TMIGD3: variants seen among roughly 807,000 people sequenced by gnomAD.
The protein encoded by TMIGD3 is transmembrane and immunoglobulin domain containing 3, also known as AD026 protein (AD026).
TMIGD3 carries 21 observed loss-of-function variants against 28.1 expected under a neutral mutation model. The ratio of observed to expected loss-of-function variants is 0.75; its 90% CI spans 0.53 to 1.08. The LOEUF (loss-of-function observed/expected upper bound fraction) is 1.08, where lower values mean the gene tolerates loss of function less well. Ranked by LOEUF, TMIGD3 falls within the 50% of genes least tolerant of loss-of-function variation. The pLI, the probability that TMIGD3 is intolerant of heterozygous loss-of-function variation, is 0.00. For missense variants in TMIGD3, 416 were observed against 435.6 expected (o/e 0.96, Z 0.40); for synonymous variants, 151 against 162.1 (o/e 0.93, Z 0.52).
intron 1 of TMIGD3, chr1:111,500,132 C>G (rs372130883): frequency 7.4e-6 from 12 of 1,613,966 alleles, no homozygotes; most frequent in Non-Finnish European, 1.0e-5. Context: ...AGCTGTGGTA[C>G]CTCACCATTA....
chr1:111,555,049 G>A lies in TMIGD3; in HGVS notation c.107+8797C>T, dbSNP rs1434034087. On this transcript the variant is annotated intron_variant, in intron 1 of 5. Transcript: ENST00000369717. Reference sequence around the variant, plus strand: ...GTAAGAGAACTAATTGAAAACAGGAGAAAAGAAAAAGAGGCTATCAAAAAT... The same window carrying A: ...GTAAGAGAACTAATTGAAAACAGGAAAAAAGAAAAAGAGGCTATCAAAAAT... Among the ~76,000 whole-genome samples, 6 of 151,898 alleles carry A rather than the reference G, an allele frequency of 4.0e-5. No homozygotes were observed. The East Asian group carries it at 1.2e-3, about 29-fold the overall frequency.
chr1:111,518,660 C>T (rs1655947333), intron 1 of TMIGD3, among the ~76,000 whole-genome samples: 1 of 152,202 alleles, frequency 6.6e-6, no homozygotes, highest in Admixed American at 6.5e-5. Context: ...CAAGCTTTGC[C>T]TAACACCAAG....
chr1:111,522,796 G>A (rs779501084), intron 1 of TMIGD3, among the ~76,000 whole-genome samples: 6 of 152,110 alleles, frequency 3.9e-5, no homozygotes, highest in Non-Finnish European at 7.4e-5. Flanking sequence ...GATTACAGGC[G>A]TGAGCCACCA....
intron 1 of TMIGD3, among the ~76,000 whole-genome samples, chr1:111,523,921 A>C (rs1195816720): frequency 7.5e-6 from 1 of 133,992 alleles, no homozygotes; most frequent in Admixed American, 7.2e-5. Flanking sequence ...GATTTTCTCT[A>C]TTTTTTTTGT....
chr1:111,502,005 T>G (rs1655201697), intron 1 of TMIGD3, among the ~76,000 whole-genome samples: 1 of 143,618 alleles, frequency 7.0e-6, no homozygotes, highest in African/African-American at 2.6e-5. Context: ...TACATATATA[T>G]AGGATATATA....
chr1:111,535,535 C>T (rs921914558), intron 1 of TMIGD3, among the ~76,000 whole-genome samples: 2 of 152,178 alleles, frequency 1.3e-5, no homozygotes, highest in Admixed American at 6.5e-5. Flanking sequence ...CCCAGCAGTC[C>T]AAGAACTTGC....
In TMIGD3 at chr1:111,535,221, G is replaced by A. The variant is rs534144065; in HGVS notation, c.107+28625C>T. 3.3e-5 allele frequency among the ~76,000 whole-genome samples: 5 copies of A among 152,144 alleles called. No homozygotes were observed. In the South Asian group the frequency reaches 6.2e-4, roughly 19 times the overall value. The stretch of plus-strand genomic sequence containing the variant: ...CTGAATAAATGTCAACTATTATATC[G>A]AAATGTATCCACCCACCCCACCTCT... On this transcript the variant is annotated intron_variant, in intron 1 of 5. Coordinates refer to the TMIGD3 transcript ENST00000369717.
intron 1 of TMIGD3, among the ~76,000 whole-genome samples, chr1:111,534,235 A>G (rs1254611087): frequency 1.3e-5 from 2 of 152,204 alleles, no homozygotes; most frequent in East Asian, 3.8e-4. Flanking sequence ...ATACAACCTC[A>G]TTCATTGTAA....
intron 1 of TMIGD3, among the ~76,000 whole-genome samples, chr1:111,556,721 G>T (rs568124343): frequency 9.2e-5 from 14 of 152,190 alleles, no homozygotes; most frequent in African/African-American, 3.1e-4. Flanking sequence ...ATAATGGGTT[G>T]CCAGGGGCTT....
At chr1:111,532,066 G>T (rs1656476330) in intron 1 of TMIGD3, among the ~76,000 whole-genome samples, 2 of 150,250 alleles carry the variant, frequency 1.3e-5, no homozygotes, top group African/African-American at 2.4e-5. Flanking sequence ...TTTCACTCTG[G>T]CTGGGAGGAA....
chr1:111,557,239 A>G (rs1359755428), intron 1 of TMIGD3, among the ~76,000 whole-genome samples: 4 of 152,202 alleles, frequency 2.6e-5, no homozygotes, highest in Non-Finnish European at 5.9e-5. Context: ...TTACCTAAAA[A>G]TGTATATATT....
intron 1 of TMIGD3, among the ~76,000 whole-genome samples, chr1:111,512,597 C>A (rs1377217863): frequency 6.6e-6 from 1 of 152,262 alleles, no homozygotes; most frequent in African/African-American, 2.4e-5. Context: ...TGCACCACCA[C>A]CTTGGGCAGC....
chr1:111,485,709 C>A (rs1197033291), intron 5 of TMIGD3, 31 bp downstream of exon 5: 3 of 585,060 alleles, frequency 5.1e-6, no homozygotes, highest in Admixed American at 2.3e-5. Flanking sequence ...CTAATTCTTG[C>A]CCACCCCCTC....
intron 1 of TMIGD3, among the ~76,000 whole-genome samples, chr1:111,538,367 G>A (rs1656711275): frequency 6.6e-6 from 1 of 152,172 alleles, no homozygotes; most frequent in Non-Finnish European, 1.5e-5. Flanking sequence ...GAAATGGCGA[G>A]GTCTTTCTAG....
At chr1:111,549,798 A>G (rs1016620444) in intron 1 of TMIGD3, among the ~76,000 whole-genome samples, 4 of 152,070 alleles carry the variant, frequency 2.6e-5, no homozygotes, top group Admixed American at 1.3e-4. Flanking sequence ...ACAGGTGCAC[A>G]CCACCATGCT....
Position 111,488,745 on chromosome 1 carries a change from A to G in TMIGD3, c.737T>C (p.Met246Thr). The change falls in exon 3 of 6, where the codon ATG becomes ACG. Residue 246 changes from methionine (M) to threonine (T), a missense_variant. By Grantham distance (81) the Met-to-Thr change is moderately conservative. Coordinates refer to ENST00000369716, the MANE Select transcript of TMIGD3 (RefSeq NM_020683.7). ...GIQRDFARDD[M>T]DFTELIVTDD... ...AGTTACAATCAGCTCTGTAAAATCC[A>G]TGTCATCCCTGGCAAAGTCCCGCTG... 2 of 1,614,152 alleles carry G rather than the reference A, an allele frequency of 1.2e-6. No individual in the cohort carries two copies. Among genetic ancestry groups the G allele is most frequent in the Non-Finnish European group, 8.5e-7 (1 of 1,180,036 alleles).
At chr1:111,528,824 C>T (rs976021809) in intron 1 of TMIGD3, among the ~76,000 whole-genome samples, 2 of 151,814 alleles carry the variant, frequency 1.3e-5, no homozygotes, top group African/African-American at 4.8e-5. Context: ...TTGTTTATTC[C>T]TTGTATAGAG....
At chr1:111,503,969 C>T (rs911153398), upstream of TMIGD3, 26 of 985,378 alleles carry the variant, frequency 2.6e-5, no homozygotes, top group Non-Finnish European at 2.9e-5. Context: ...GCAAAAAGAT[C>T]TCATGATAAG....
At chr1:111,502,772 C>T (rs895612476) in intron 1 of TMIGD3, among the ~76,000 whole-genome samples, 11 of 151,682 alleles carry the variant, frequency 7.3e-5, no homozygotes, top group African/African-American at 2.7e-4. Flanking sequence ...GATTGAGCAC[C>T]CACCCCTAGT....
Sources: allele counts gnomAD v4.1 joint callset (sites outside exome capture counted in the v4.1 genomes callset), GRCh38; gene constraint gnomAD v4.1.1; transcripts MANE v1.5; gene names NCBI Gene and HGNC (gene_info 2026-07-23, HGNC 2026-07-21).